OR1B1: variants seen among roughly 807,000 people sequenced by gnomAD.
The protein encoded by OR1B1 is olfactory receptor 1B1.
For missense variants in OR1B1, 414 were observed against 402.1 expected, an observed-to-expected ratio of 1.03 and a Z score of -0.25; for synonymous variants, 168 against 156.2, an observed-to-expected ratio of 1.08 and a Z score of -0.57.
chr9:122,647,612 A>C, the OR1B1 span, among the ~76,000 whole-genome samples: 1 of 152,208 alleles, frequency 6.6e-6, no homozygotes, highest in Non-Finnish European at 1.5e-5. Flanking sequence ...AATGAAACAA[A>C]TAATTGTTTT....
the OR1B1 span, among the ~76,000 whole-genome samples, chr9:122,636,175 T>C: frequency 6.6e-6 from 1 of 152,182 alleles, no homozygotes; most frequent in Non-Finnish European, 1.5e-5. Flanking sequence ...TGCACGGTCA[T>C]TTTAGTGGAG....
the OR1B1 span, among the ~76,000 whole-genome samples, chr9:122,652,938 G>A: frequency 6.6e-6 from 1 of 152,060 alleles, no homozygotes; most frequent in African/African-American, 2.4e-5. Context: ...CCAAGCTAAG[G>A]GTGCCTGTGA....
the OR1B1 span, among the ~76,000 whole-genome samples, chr9:122,639,980 G>A: frequency 3.3e-5 from 5 of 152,000 alleles, no homozygotes; most frequent in East Asian, 5.8e-4. Flanking sequence ...ATGATTTCAC[G>A]AAACCTGCGG....
upstream of OR1B1, among the ~76,000 whole-genome samples, chr9:122,632,328 A>G (rs954203555): frequency 2.0e-5 from 3 of 152,364 alleles, no homozygotes; most frequent in East Asian, 5.8e-4. Flanking sequence ...AGGCCCAAAA[A>G]GAATTACTAG....
At chr9:122,629,728 C>A (rs1189770870), upstream of OR1B1, among the ~76,000 whole-genome samples, 3 of 152,166 alleles carry the variant, frequency 2.0e-5, no homozygotes, top group African/African-American at 7.2e-5. Context: ...TATTTATTTT[C>A]TCCTTTATTT....
At chr9:122,631,458 T>C (rs2118810759), upstream of OR1B1, among the ~76,000 whole-genome samples, 1 of 152,320 alleles carries the variant, frequency 6.6e-6, no homozygotes, top group Non-Finnish European at 1.5e-5. Flanking sequence ...ATTACAGGTG[T>C]GAGCCACCAT....
chr9:122,654,171 G>A, the OR1B1 span, among the ~76,000 whole-genome samples: 1 of 152,132 alleles, frequency 6.6e-6, no homozygotes, highest in Non-Finnish European at 1.5e-5. Context: ...ATTGTAGCTA[G>A]GATAAAAGAT....
the OR1B1 span, among the ~76,000 whole-genome samples, chr9:122,652,997 T>C: frequency 6.6e-6 from 1 of 152,138 alleles, no homozygotes; most frequent in Non-Finnish European, 1.5e-5. Flanking sequence ...AGTCCCAGCA[T>C]TACTGTGCTC....
the OR1B1 span, among the ~76,000 whole-genome samples, chr9:122,640,533 G>A: frequency 6.6e-6 from 1 of 152,184 alleles, no homozygotes; most frequent in South Asian, 2.1e-4. Flanking sequence ...GGAAAAGCAG[G>A]AAATTTGGTG....
At chr9:122,649,844 T>C in the OR1B1 span, among the ~76,000 whole-genome samples, 1 of 152,180 alleles carries the variant, frequency 6.6e-6, no homozygotes, top group Non-Finnish European at 1.5e-5. Context: ...AGTGTGGCAA[T>C]TCCTCAAGGA....
chr9:122,656,501 G>A, the OR1B1 span, among the ~76,000 whole-genome samples: 2 of 151,894 alleles, frequency 1.3e-5, no homozygotes, highest in Admixed American at 6.6e-5. Context: ...AAAAAAAAAT[G>A]AGTCTGACCC....
At chr9:122,656,480 T>C in the OR1B1 span, among the ~76,000 whole-genome samples, 1 of 151,860 alleles carries the variant, frequency 6.6e-6, no homozygotes, top group African/African-American at 2.4e-5. Context: ...TGGGAGTGGG[T>C]TCCTGATTAA....
At chr9:122,636,607 ACT>A in the OR1B1 span, among the ~76,000 whole-genome samples, 1 of 151,990 alleles carries the variant, frequency 6.6e-6, no homozygotes, top group Non-Finnish European at 1.5e-5. Flanking sequence ...CAAGAATGAA[ACT>A]CTGTCTCAAA....
chr9:122,655,841 TA>T, the OR1B1 span, among the ~76,000 whole-genome samples: 1,744 of 138,454 alleles, frequency 0.013, 11 homozygotes, highest in Admixed American at 0.026. Context: ...AGCTTAACAT[TA>T]AAAAAAAAAA....
the OR1B1 span, among the ~76,000 whole-genome samples, chr9:122,634,604 T>C: frequency 6.6e-6 from 1 of 152,004 alleles, no homozygotes; most frequent in Non-Finnish European, 1.5e-5. Flanking sequence ...GAGAACAGCA[T>C]GGGGGAAACC....
the OR1B1 span, among the ~76,000 whole-genome samples, chr9:122,650,255 G>C: frequency 1.3e-4 from 20 of 152,134 alleles, no homozygotes; most frequent in Admixed American, 3.9e-4. Flanking sequence ...GTCGGTGGGT[G>C]GGGGGCTAGA....
At chr9:122,634,966 A>G in the OR1B1 span, among the ~76,000 whole-genome samples, 6,345 of 152,290 alleles carry the variant, frequency 0.042, 451 homozygotes, top group African/African-American at 0.15. Context: ...GGAAAACAGT[A>G]CAGAGGGTCT....
the OR1B1 span, among the ~76,000 whole-genome samples, chr9:122,634,646 C>T: frequency 1.3e-5 from 2 of 152,236 alleles, no homozygotes; most frequent in Admixed American, 6.5e-5. Flanking sequence ...CCCACCAGGT[C>T]CCTCCCTTGA....
At chr9:122,649,863 T>C in the OR1B1 span, among the ~76,000 whole-genome samples, 1 of 152,154 alleles carries the variant, frequency 6.6e-6, no homozygotes, top group African/African-American at 2.4e-5. Flanking sequence ...GATCTAGAAC[T>C]AGAAATACCA....
Sources: allele counts gnomAD v4.1 joint callset (sites outside exome capture counted in the v4.1 genomes callset), GRCh38; gene constraint gnomAD v4.1.1; transcripts MANE v1.5; gene names NCBI Gene and HGNC (gene_info 2026-07-23, HGNC 2026-07-21).